Variants in SLC35F3 observed in about 807,000 individuals in gnomAD.
SLC35F3 encodes the protein solute carrier family 35 member F3.
SLC35F3 carries 25 observed loss-of-function variants against 49.9 expected under a neutral mutation model. The observed-to-expected ratio is 0.50, with a 90% CI of 0.37 to 0.70. The LOEUF (loss-of-function observed/expected upper bound fraction) is 0.70. Among genes scored for constraint, SLC35F3 ranks in the 30% least tolerant of loss-of-function variants. The pLI is 0.00. For synonymous variants in SLC35F3, 275 were observed against 265.4 expected, an observed-to-expected ratio of 1.04 and a Z score of -0.35; for missense variants, 525 against 639.8, an observed-to-expected ratio of 0.82 and a Z score of 1.94.
At chr1:234,313,992 G>A (rs1204460793) in intron 4 of SLC35F3, among the ~76,000 whole-genome samples, 1 of 152,224 alleles carries the variant, frequency 6.6e-6, no homozygotes, top group African/African-American at 2.4e-5. Context: ...AGGGTATTGA[G>A]AGTAAGGTAG....
intron 2 of SLC35F3, among the ~76,000 whole-genome samples, chr1:234,162,515 G>A (rs1397170226): frequency 6.6e-6 from 1 of 151,604 alleles, no homozygotes. Context: ...TGTATAGCTG[G>A]TGTGACAGGG....
intron 2 of SLC35F3, among the ~76,000 whole-genome samples, chr1:234,071,398 G>A (rs1664710223): frequency 6.6e-6 from 1 of 152,104 alleles, no homozygotes; most frequent in African/African-American, 2.4e-5. Flanking sequence ...GGTTTCATTA[G>A]AGCAAAGACG....
At chr1:234,084,035 C>G (rs1339510976) in intron 2 of SLC35F3, among the ~76,000 whole-genome samples, 2 of 151,994 alleles carry the variant, frequency 1.3e-5, no homozygotes, top group African/African-American at 4.8e-5. Flanking sequence ...GATGGGGTTT[C>G]TCCATGTTGG....
At chr1:234,123,591 T>G (rs1485535427) in intron 2 of SLC35F3, among the ~76,000 whole-genome samples, 1 of 149,590 alleles carries the variant, frequency 6.7e-6, no homozygotes, top group Non-Finnish European at 1.5e-5. Flanking sequence ...TTTTTTTTTG[T>G]ATTTTTAGTA....
At position 234,203,409 on chromosome 1, in the gene SLC35F3, C is replaced by G. The variant is rs114877192; in HGVS notation, c.284-28008C>G. Among the ~76,000 whole-genome samples, 542 of 152,268 alleles carry G rather than the reference C, an allele frequency of 3.6e-3. 3 individuals are homozygous for G. Among genetic ancestry groups the G allele is most frequent in the African/African-American group, 0.012 (512 of 41,548 alleles). On this transcript the variant is annotated intron_variant, in intron 2 of 7. Coordinates refer to ENST00000366618, the MANE Select transcript of SLC35F3 (RefSeq NM_173508.4). ...CATTTTTTAGCCCCTTTAAACTATT[C>G]TTAAGCATCAAGAATGGTTTTGGCC... is the stretch of plus-strand genomic sequence containing the variant.
At chr1:233,917,625 G>C (rs911191879) in intron 2 of SLC35F3, among the ~76,000 whole-genome samples, 5 of 152,184 alleles carry the variant, frequency 3.3e-5, no homozygotes, top group Non-Finnish European at 7.3e-5. Flanking sequence ...ACATGGACTA[G>C]AATTTAAAGG....
chr1:234,061,603 T>C (rs1664541467), intron 2 of SLC35F3, among the ~76,000 whole-genome samples: 1 of 152,078 alleles, frequency 6.6e-6, no homozygotes, highest in South Asian at 2.1e-4. Context: ...GTAATTGGTG[T>C]GCTTAGTGTC....
At chr1:234,300,573 A>C (rs953228154) in intron 3 of SLC35F3, among the ~76,000 whole-genome samples, 15 of 152,252 alleles carry the variant, frequency 9.9e-5, no homozygotes, top group Non-Finnish European at 2.1e-4. Flanking sequence ...GAAGTTGGAC[A>C]ATTAAATAAG....
intron 2 of SLC35F3, among the ~76,000 whole-genome samples, chr1:234,101,692 G>T (rs1159141012): frequency 6.6e-6 from 1 of 152,180 alleles, no homozygotes; most frequent in Non-Finnish European, 1.5e-5. Flanking sequence ...GAATTCCCAG[G>T]CATGACGGGG....
chr1:234,321,938 T>A (rs1657629752), intron 7 of SLC35F3, among the ~76,000 whole-genome samples: 1 of 152,042 alleles, frequency 6.6e-6, no homozygotes, highest in Non-Finnish European at 1.5e-5. Context: ...CCCAGCACTT[T>A]GGGAGGCCAA....
intron 2 of SLC35F3, among the ~76,000 whole-genome samples, chr1:233,983,627 C>A (rs1663220491): frequency 6.6e-6 from 1 of 152,186 alleles, no homozygotes; most frequent in Admixed American, 6.5e-5. Context: ...TTTAAGGTTG[C>A]AGATTTCCTT....
intron 4 of SLC35F3, among the ~76,000 whole-genome samples, chr1:234,315,030 T>C (rs1005568405): frequency 6.6e-6 from 1 of 152,178 alleles, no homozygotes; most frequent in African/African-American, 2.4e-5. Context: ...GCTATCTCTG[T>C]TTCTTCTCTT....
intron 3 of SLC35F3, among the ~76,000 whole-genome samples, chr1:234,263,408 C>G (rs937529077): frequency 6.6e-6 from 1 of 152,126 alleles, no homozygotes; most frequent in African/African-American, 2.4e-5. Flanking sequence ...ACCCTCTGTT[C>G]CACCTCCCTT....
At chr1:234,215,939 G>T (rs112327987) in intron 2 of SLC35F3, among the ~76,000 whole-genome samples, 15 of 152,210 alleles carry the variant, frequency 9.9e-5, no homozygotes, top group African/African-American at 3.6e-4. Flanking sequence ...ACATCAGTTT[G>T]CACTGAACTG....
At chr1:233,963,230 C>A (rs1662834192) in intron 2 of SLC35F3, among the ~76,000 whole-genome samples, 1 of 152,070 alleles carries the variant, frequency 6.6e-6, no homozygotes, top group African/African-American at 2.4e-5. Flanking sequence ...AATCCCATTT[C>A]TCCAGTCTAT....
In SLC35F3 at chr1:233,904,982, A is replaced by G. The variant is rs927114617; in HGVS notation, c.-96A>G. ...GGCGCAGACCCTCGGTGGGCAGCGC[A>G]CTCCAGTCTTCCCAGGCTAGCGGCT... On this transcript the variant is annotated 5_prime_UTR_variant, in exon 1 of 8. Transcript: ENST00000366618. 30 of 1,372,966 alleles carry G rather than the reference A, an allele frequency of 2.2e-5. No homozygotes were observed. The highest frequency in any genetic ancestry group is 3.0e-5 in the Non-Finnish European group (30 of 998,002). The allele number at this position is 1,372,966 out of a possible 1,614,324, so 85.0% of individuals were successfully genotyped here.
Position 233,957,826 on chromosome 1 carries a change from T to A in SLC35F3, c.283+52068T>A, listed in dbSNP as rs941028417. 1.3e-5 allele frequency among the ~76,000 whole-genome samples: 2 copies of A among 151,596 alleles called. No homozygotes were observed. Among genetic ancestry groups the A allele is most frequent in the African/African-American group, 4.8e-5 (2 of 41,460 alleles). On this transcript the variant is annotated intron_variant, in intron 2 of 7. Coordinates refer to ENST00000366618, the MANE Select transcript of SLC35F3 (RefSeq NM_173508.4). The surrounding 1 kb of genome is among the most constrained non-coding windows in gnomAD (Gnocchi z 4.0). ...GCGAAACTCCATCTCAAAAAAAAAA[T>A]ACAATAATCATTTTATTATTGCTTG...
intron 2 of SLC35F3, among the ~76,000 whole-genome samples, chr1:234,136,245 T>G (rs975603233): frequency 1.3e-5 from 2 of 151,402 alleles, no homozygotes; most frequent in African/African-American, 4.9e-5. Context: ...TTCCTCTCTT[T>G]CTCTTTCTTT....
chr1:233,980,890 A>C (rs117088310), intron 2 of SLC35F3, among the ~76,000 whole-genome samples: 1 of 152,330 alleles, frequency 6.6e-6, no homozygotes, highest in East Asian at 1.9e-4. Context: ...TGCATTAACA[A>C]ATCTAATCCT....
Sources: gnomAD v4.1 joint callset for allele counts (sites outside exome capture counted in the v4.1 genomes callset) on GRCh38, gnomAD v4.1.1 for gene constraint, Gnocchi (gnomAD v3.1) non-coding constraint, MANE v1.5 for transcripts, NCBI Gene and HGNC (gene_info 2026-07-23, HGNC 2026-07-21) for gene names.